The following SPDYE2B variants were observed in gnomAD, a reference collection of about 807,000 sequenced individuals.
The protein encoded by SPDYE2B is speedy protein E2B.
At chr7:102,656,454 T>C in intron 5 of SPDYE2B, 148 bp downstream of exon 5, 1 of 577,184 alleles carries the variant, frequency 1.7e-6, no homozygotes, top group Non-Finnish European at 2.9e-6. Flanking sequence ...TGTGTGTGTG[T>C]GTGTGTGTGT....
At chr7:102,654,357 G>T in intron 3 of SPDYE2B, among the ~76,000 whole-genome samples, 1 of 141,112 alleles carries the variant, frequency 7.1e-6, no homozygotes, top group Non-Finnish European at 1.5e-5. Context: ...GGAAGGAAGG[G>T]CCCAGAAGTC....
intron 4 of SPDYE2B, among the ~76,000 whole-genome samples, chr7:102,655,752 TAATA>T (rs1584228602): frequency 4.5e-5 from 1 of 22,018 alleles, no homozygotes; most frequent in Non-Finnish European, 1.5e-4. Flanking sequence ...CAAAATAAAT[TAATA>T]AATAAATAAA....
At chr7:102,656,462 TGTGA>T (rs1180588670) in intron 5 of SPDYE2B, among the ~76,000 whole-genome samples, 156 bp downstream of exon 5, 1 of 72,706 alleles carries the variant, frequency 1.4e-5, no homozygotes, top group African/African-American at 3.3e-5. Context: ...TGTGTGTGTG[TGTGA>T]GACAGAGTCT....
intron 3 of SPDYE2B, among the ~76,000 whole-genome samples, chr7:102,654,181 A>T (rs1791805837): frequency 8.9e-6 from 1 of 111,826 alleles, no homozygotes; most frequent in East Asian, 2.7e-4. Flanking sequence ...CTAACAATAC[A>T]AAAATTAGCC....
intron 6 of SPDYE2B, among the ~76,000 whole-genome samples, chr7:102,659,235 C>T (rs1791927519): frequency 6.7e-6 from 1 of 150,282 alleles, no homozygotes; most frequent in Non-Finnish European, 1.5e-5. Context: ...GGGGTTTCTC[C>T]GTGTTGACCA....
chr7:102,654,344 AAAG>A (rs1791818090), intron 3 of SPDYE2B, among the ~76,000 whole-genome samples: 1 of 132,278 alleles, frequency 7.6e-6, no homozygotes, highest in African/African-American at 2.8e-5. Flanking sequence ...AAAAAAAAAA[AAAG>A]GAAGGAAGGG....
At chr7:102,654,324 C>CAAAAAAAAAA (rs1284683166) in intron 3 of SPDYE2B, among the ~76,000 whole-genome samples, 7 of 96,040 alleles carry the variant, frequency 7.3e-5, no homozygotes, top group South Asian at 4.2e-4. Context: ...GACGCTGTCT[C>CAAAAAAAAAA]AAAAAAAAAA....
intron 6 of SPDYE2B, among the ~76,000 whole-genome samples, chr7:102,659,314 G>A (rs1791930409): frequency 1.3e-5 from 2 of 152,176 alleles, no homozygotes; most frequent in South Asian, 2.1e-4. Flanking sequence ...GGGATTACAG[G>A]CATGAGCCAC....
intron 6 of SPDYE2B, among the ~76,000 whole-genome samples, chr7:102,659,430 C>T: frequency 7.7e-6 from 1 of 129,946 alleles, no homozygotes; most frequent in Non-Finnish European, 1.7e-5. Flanking sequence ...GCTTTGGCCT[C>T]CCAGTGTGCT....
At chr7:102,652,817 C>CA (rs1363878366) in intron 2 of SPDYE2B, among the ~76,000 whole-genome samples, 1 of 8 alleles carries the variant, frequency 0.12, no homozygotes, top group African/African-American at 0.17. Flanking sequence ...TACTGCACTC[C>CA]AAAAAAAAAA....
At chr7:102,654,525 G>C (rs1349943831) in intron 3 of SPDYE2B, among the ~76,000 whole-genome samples, 1 of 50,290 alleles carries the variant, frequency 2.0e-5, no homozygotes, top group African/African-American at 9.6e-5. Context: ...GTGAAACCCT[G>C]TCTCTTCTAG....
Position 102,662,268 on chromosome 7 carries a change from C to A in SPDYE2B, c.*1168C>A, listed in dbSNP as rs200276257. On this transcript the variant is annotated 3_prime_UTR_variant, in exon 9 of 9. Transcript: ENST00000507450. The stretch of plus-strand genomic sequence containing the variant: ...TTGTTTTCCTTTTTAAGAGAGGATT[C>A]TTTTCATCCTAAATCTTTTACCTTT... Among the ~76,000 whole-genome samples, 2,969 of 22,768 alleles carry A rather than the reference C, an allele frequency of 0.13. 627 individuals are homozygous for A. The highest frequency in any genetic ancestry group is 0.45 in the South Asian group (95 of 210). 14.9% of individuals were successfully genotyped at this position (22,768 alleles called of 152,430 possible). A position where few individuals can be genotyped will look rare whatever the true frequency, so the allele number is the denominator to read the frequency against.
chr7:102,658,997 C>G (rs1791919250), intron 6 of SPDYE2B, among the ~76,000 whole-genome samples: 1 of 150,114 alleles, frequency 6.7e-6, no homozygotes, highest in African/African-American at 2.4e-5. Flanking sequence ...TCTTTATTAG[C>G]TCCGACTACA....
intron 5 of SPDYE2B, among the ~76,000 whole-genome samples, chr7:102,656,531 A>T (rs1791882927): frequency 1.8e-5 from 1 of 56,014 alleles, no homozygotes; most frequent in African/African-American, 4.1e-5. Context: ...ACTGCAGCCG[A>T]TGCGTCCTGG....
chr7:102,655,786 AAAAC>A (rs1791845785), intron 4 of SPDYE2B, among the ~76,000 whole-genome samples: 1 of 57,218 alleles, frequency 1.7e-5, no homozygotes, highest in Admixed American at 2.0e-4. Context: ...CCAATAAAGA[AAAAC>A]AAAATCAATA....
At chr7:102,656,463 G>A (rs1239880333) in intron 5 of SPDYE2B, among the ~76,000 whole-genome samples, 157 bp downstream of exon 5, 2 of 71,990 alleles carry the variant, frequency 2.8e-5, no homozygotes, top group Admixed American at 3.3e-4. Context: ...GTGTGTGTGT[G>A]TGAGACAGAG....
At chr7:102,654,287 T>C (rs1200168128) in intron 3 of SPDYE2B, among the ~76,000 whole-genome samples, 1 of 103,856 alleles carries the variant, frequency 9.6e-6, no homozygotes, top group African/African-American at 4.0e-5. Context: ...ATAGCGCCAC[T>C]GCATTCCATT....
intron 6 of SPDYE2B, among the ~76,000 whole-genome samples, chr7:102,658,987 T>C (rs1201103406): frequency 6.7e-6 from 1 of 149,750 alleles, no homozygotes; most frequent in African/African-American, 2.4e-5. Context: ...CACCTCAGCT[T>C]CTTTATTAGC....
intron 1 of SPDYE2B, among the ~76,000 whole-genome samples, chr7:102,651,003 CTGGGATTACAGGCA>C (rs1375295930): frequency 1.3e-5 from 1 of 77,506 alleles, no homozygotes; most frequent in East Asian, 5.7e-4. Flanking sequence ...TCCCAAAGTG[CTGGGATTACAGGCA>C]TGAGCCACTG....
Sources: gnomAD v4.1 joint callset for allele counts (sites outside exome capture counted in the v4.1 genomes callset) on GRCh38, gnomAD v4.1.1 for gene constraint, MANE v1.5 for transcripts, NCBI Gene and HGNC (gene_info 2026-07-23, HGNC 2026-07-21) for gene names.